The following CHMP4A variants were observed in gnomAD, a reference collection of about 807,000 sequenced individuals.
CHMP4A encodes the protein charged multivesicular body protein 4A, also known as SNF7 homolog associated with Alix-2.
Under a neutral mutation model 28.2 loss-of-function variants are expected in CHMP4A, and 29 were observed. That is an observed-to-expected ratio of 1.03 (90% CI 0.77 to 1.40). The LOEUF (loss-of-function observed/expected upper bound fraction) is 1.40. Among genes scored for constraint, CHMP4A ranks in the 40% most tolerant of loss-of-function variants. The pLI is 0.00. For missense variants in CHMP4A, 241 were observed against 263.5 expected (o/e 0.91, Z 0.59); for synonymous variants, 88 against 99.3 (o/e 0.89, Z 0.67).
chr14:24,210,696 A>G lies in CHMP4A; in HGVS notation c.432T>C (p.Asp144=), dbSNP rs371942693. Residue 144 remains aspartate (D), a synonymous_variant, in exon 4 of 6, where the codon GAT becomes GAC. Transcript: ENST00000347519. ...CAAAGCCCATAGGCCGAGAAATGGC[A>G]TCTGAGATCTGCTGGGCCACCTCCT... is the stretch of plus-strand genomic sequence containing the variant. ...EQQEVAQQIS[D]AISRPMGFGD... The G allele has an allele frequency of 6.2e-7, 1 of 1,614,036 alleles. No homozygotes were observed. The highest frequency in any genetic ancestry group is 1.3e-5 in the African/African-American group (1 of 74,906).
intron 1 of CHMP4A, 188 bp downstream of exon 1, chr14:24,213,221 G>T (rs960076725): frequency 1.1e-5 from 7 of 616,790 alleles, no homozygotes; most frequent in Non-Finnish European, 1.8e-5. Context: ...AAGGCGCCCC[G>T]ACATGGTGTG....
At position 24,211,421 on chromosome 14, in the gene CHMP4A, T is replaced by C; in HGVS notation, c.353A>G (p.Gln118Arg). The C allele has an allele frequency of 6.2e-7, 1 of 1,605,626 alleles. No individual in the cohort carries two copies. The highest frequency in any genetic ancestry group is 1.1e-5 in the South Asian group (1 of 90,812). ...CCCCTCCCCCCGTACCCACATGTCC[T>C]GGTAGGCCTTCTTCATGCTTTGGGC... The part of the protein sequence containing the change: ...LAAQSMKKAY[Q>R]DMDIDKVDEL... The change falls in exon 3 of 6, where the codon CAG becomes CGG. Residue 118 changes from glutamine to arginine, a missense_variant. Physicochemically the swap from Gln to Arg is conservative, Grantham distance 43. Coordinates refer to ENST00000347519, the MANE Select transcript of CHMP4A (RefSeq NM_014169.5).
Position 24,211,422 on chromosome 14 carries a change from G to A in CHMP4A, c.352C>T (p.Gln118Ter), listed in dbSNP as rs373027314. The change falls in exon 3 of 6, where the codon CAG becomes TAG. Residue 118 changes from glutamine (Q) to a stop codon, truncating the protein, a stop_gained. Coordinates refer to ENST00000347519, the MANE Select transcript of CHMP4A (RefSeq NM_014169.5). LOFTEE classifies it high-confidence loss of function. Reference sequence around the variant, plus strand: ...CCCTCCCCCCGTACCCACATGTCCTGGTAGGCCTTCTTCATGCTTTGGGCA... The same window carrying A: ...CCCTCCCCCCGTACCCACATGTCCTAGTAGGCCTTCTTCATGCTTTGGGCA... The part of the protein sequence containing the change: ...LAAQSMKKAY[Q>*]DMDIDKVDEL... The A allele has an allele frequency of 1.5e-5, 24 of 1,606,220 alleles. No homozygotes were observed. In the East Asian group the frequency reaches 2.7e-4, roughly 18 times the overall value.
intron 3 of CHMP4A, 49 bp from the exon 4 acceptor site, chr14:24,210,817 A>C (rs745565324): frequency 7.3e-7 from 1 of 1,369,772 alleles, no homozygotes; most frequent in Non-Finnish European, 1.0e-6. Flanking sequence ...TGCCCCCTTG[A>C]CTTTCTCATC....
intron 3 of CHMP4A, 97 bp downstream of exon 3, chr14:24,211,318 G>T: frequency 1.8e-6 from 2 of 1,128,328 alleles, no homozygotes; most frequent in South Asian, 1.6e-5. Flanking sequence ...TATCTATACT[G>T]CAAATTCACA....
chr14:24,210,714 C>A lies in CHMP4A; in HGVS notation c.414G>T (p.Val138=). The A allele has an allele frequency of 1.2e-6, 2 of 1,614,172 alleles. No homozygotes were observed. The highest frequency in any genetic ancestry group is 1.7e-6 in the Non-Finnish European group (2 of 1,180,032). Reference sequence around the variant, plus strand: ...AAATGGCATCTGAGATCTGCTGGGCCACCTCCTGTTGTTCCGTGATGTCAG... The same window carrying A: ...AAATGGCATCTGAGATCTGCTGGGCAACCTCCTGTTGTTCCGTGATGTCAG... ...LMTDITEQQE[V]AQQISDAISR... Residue 138 remains valine, a synonymous_variant, in exon 4 of 6, where the codon GTG becomes GTT. Transcript: ENST00000347519.
intron 5 of CHMP4A, 89 bp downstream of exon 5, chr14:24,210,259 C>G (rs1594469139): frequency 6.6e-7 from 1 of 1,518,388 alleles, no homozygotes; most frequent in Non-Finnish European, 8.9e-7. Context: ...CTGTGTGGCT[C>G]CTTTGAGGCA....
rs769316309 is a variant in CHMP4A at position 24,211,403 on chromosome 14, C to T, written c.359+12G>A. 2.5e-6 allele frequency: 4 copies of T among 1,594,054 alleles called. No homozygotes were observed. Among genetic ancestry groups the T allele is most frequent in the Non-Finnish European group, 3.4e-6 (4 of 1,163,988 alleles). On this transcript the variant is annotated intron_variant, in intron 3 of 5. Coordinates refer to ENST00000347519, the MANE Select transcript of CHMP4A (RefSeq NM_014169.5). ...GTGCCTGGGTCCCCTCCACCCCTCC[C>T]CCCGTACCCACATGTCCTGGTAGGC...
chr14:24,210,868 G>A, intron 3 of CHMP4A, 100 bp from the exon 4 acceptor site: 2 of 831,798 alleles, frequency 2.4e-6, no homozygotes, highest in South Asian at 2.8e-5. Flanking sequence ...GGGTCACACT[G>A]ATAAGCCCAT....
chr14:24,213,312 C>T (rs2039614499), intron 1 of CHMP4A, 97 bp downstream of exon 1: 3 of 1,382,160 alleles, frequency 2.2e-6, no homozygotes, highest in African/African-American at 3.0e-5. Context: ...ATTCTCTTCC[C>T]CTGCCCGGCG....
chr14:24,213,423 C>T lies in CHMP4A; in HGVS notation c.17G>A (p.Arg6Lys). The T allele has an allele frequency of 6.2e-7, 1 of 1,608,356 alleles. No homozygotes were observed. Among genetic ancestry groups the T allele is most frequent in the Non-Finnish European group, 8.5e-7 (1 of 1,178,448 alleles). Residue 6 changes from arginine (R) to lysine (K), a missense_variant, in exon 1 of 6, where the codon AGG becomes AAG. Physicochemically the swap from Arg to Lys is conservative, Grantham distance 26 (BLOSUM62 2). Coordinates refer to ENST00000347519, the MANE Select transcript of CHMP4A (RefSeq NM_014169.5). Reference protein sequence around the residue: MSGLGRLFGKGKKEKG... With the variant: MSGLGKLFGKGKKEKG... ...CCCTGGCTCACCCTTCCCGAAGAGC[C>T]TGCCGAGACCACTCATCGCGAGCTC... is the stretch of plus-strand genomic sequence containing the variant.
Position 24,213,359 on chromosome 14 carries a change from C to A in CHMP4A, c.31+50G>T, listed in dbSNP as rs774361010. 1.9e-5 allele frequency: 29 copies of A among 1,516,820 alleles called. No homozygotes were observed. The East Asian group carries it at 7.2e-4, about 37-fold the overall frequency. 94.0% of individuals were successfully genotyped at this position (1,516,820 alleles called of 1,614,324 possible). On this transcript the variant is annotated intron_variant, in intron 1 of 5. Coordinates refer to ENST00000347519, the MANE Select transcript of CHMP4A (RefSeq NM_014169.5). ...CCGAATCTCGCCGGGGTCTCCTCTT[C>A]CCCTGCACCAGCCAGCGCCTCCTGG...
At chr14:24,212,027 T>G in intron 1 of CHMP4A, 198 bp from the exon 2 acceptor site, 1 of 514,842 alleles carries the variant, frequency 1.9e-6, no homozygotes, top group Non-Finnish European at 3.4e-6. Context: ...AATAAGAGAT[T>G]GTGCAGGAAT....
intron 1 of CHMP4A, chr14:24,212,050 G>A (rs1436400805): frequency 4.3e-6 from 2 of 468,388 alleles, no homozygotes; most frequent in South Asian, 8.2e-5. Context: ...AGATGTGGCA[G>A]TATGAGTTCT....
At position 24,211,397 on chromosome 14, in the gene CHMP4A, C is replaced by T. The variant is rs746466932; in HGVS notation, c.359+18G>A. The T allele has an allele frequency of 5.0e-6, 8 of 1,585,508 alleles. No homozygotes were observed. The highest frequency in any genetic ancestry group is 6.9e-6 in the Non-Finnish European group (8 of 1,158,986). Reference sequence around the variant, plus strand: ...TTCCCAGTGCCTGGGTCCCCTCCACCCCTCCCCCCGTACCCACATGTCCTG... The same window carrying T: ...TTCCCAGTGCCTGGGTCCCCTCCACTCCTCCCCCCGTACCCACATGTCCTG... On this transcript the variant is annotated intron_variant, in intron 3 of 5. Transcript: ENST00000347519.
intron 5 of CHMP4A, among the ~76,000 whole-genome samples, 165 bp from the exon 6 acceptor site, chr14:24,210,100 A>G (rs2039578027): frequency 6.6e-6 from 1 of 151,982 alleles, no homozygotes. Context: ...TCAATCCCAC[A>G]GCACCTTTGT....
rs1383821381 is a variant in CHMP4A, at chr14:24,211,520, G to A, written c.254C>T (p.Thr85Ile). The A allele has an allele frequency of 6.2e-7, 1 of 1,614,026 alleles. No individual in the cohort carries two copies. Among genetic ancestry groups the A allele is most frequent in the Non-Finnish European group, 8.5e-7 (1 of 1,180,010 alleles). The part of the protein sequence containing the change: ...QLAQTDGTLS[T>I]LEFQREAIEN... ...AATGGCCTCACGCTGAAACTCCAGG[G>A]TGGATAATGTCCCGTCAGTTTGTGC... The change falls in exon 3 of 6, where the codon ACC becomes ATC. Residue 85 changes from threonine (T) to isoleucine (I), a missense_variant. Transcript: ENST00000347519.
Position 24,209,809 on chromosome 14 carries a change from C to G in CHMP4A, c.*68G>C. The G allele has an allele frequency of 6.8e-7, 1 of 1,464,754 alleles. No individual in the cohort carries two copies. The highest frequency in any genetic ancestry group is 1.1e-5 in the South Asian group (1 of 87,974). The allele number at this position is 1,464,754 out of a possible 1,614,324, so 90.7% of individuals were successfully genotyped here. ...TCCCCAAAAAGTTATCCTCCTTTAG[C>G]TCAGCACTTGGCACTTAAGGAAGAA... is the stretch of plus-strand genomic sequence containing the variant. On this transcript the variant is annotated 3_prime_UTR_variant, in exon 6 of 6. Coordinates refer to ENST00000347519, the MANE Select transcript of CHMP4A (RefSeq NM_014169.5).
chr14:24,209,843 C>A lies in CHMP4A; in HGVS notation c.*34G>T. On this transcript the variant is annotated 3_prime_UTR_variant, in exon 6 of 6. Transcript: ENST00000347519. Reference sequence around the variant, plus strand: ...TGGCACTTAAGGAAGAAAGGACCAACAAAGGTAGCATTAGGAAGACAAGCC... The same window carrying A: ...TGGCACTTAAGGAAGAAAGGACCAAAAAAGGTAGCATTAGGAAGACAAGCC... 1 of 1,601,850 alleles carries A rather than the reference C, an allele frequency of 6.2e-7. No homozygotes were observed.
Sources: allele counts gnomAD v4.1 joint callset (sites outside exome capture counted in the v4.1 genomes callset), GRCh38; gene constraint gnomAD v4.1.1; transcripts MANE v1.5; gene names NCBI Gene and HGNC (gene_info 2026-07-23, HGNC 2026-07-21).